The following SORBS2 variants were observed in gnomAD, a reference collection of about 807,000 sequenced individuals.
SORBS2 encodes sorbin and SH3 domain-containing protein 2.
Under a neutral mutation model 97.7 loss-of-function variants are expected in SORBS2, and 46 were observed. The ratio of observed to expected loss-of-function variants is 0.47; its 90% CI spans 0.37 to 0.60. The LOEUF is 0.60. SORBS2 is among the 20% of genes least tolerant of loss of function. The pLI is 0.00. For synonymous variants in SORBS2, 476 were observed against 473.4 expected (o/e 1.01, Z -0.07); for missense variants, 1,316 against 1,282.3 (o/e 1.03, Z -0.40).
At chr4:185,714,345 G>C (rs1318413205) in intron 2 of SORBS2, among the ~76,000 whole-genome samples, 1 of 152,144 alleles carries the variant, frequency 6.6e-6, no homozygotes, top group Non-Finnish European at 1.5e-5. Context: ...CCCTACACTT[G>C]GTCTATACCA....
intron 1 of SORBS2, among the ~76,000 whole-genome samples, chr4:185,955,732 C>T (rs2099279218): frequency 6.6e-6 from 1 of 152,120 alleles, no homozygotes; most frequent in African/African-American, 2.4e-5. Context: ...AACTTGTGTC[C>T]TAAGGTAGAA....
intron 2 of SORBS2, among the ~76,000 whole-genome samples, chr4:185,713,876 G>T (rs1475125534): frequency 6.6e-6 from 1 of 151,992 alleles, no homozygotes; most frequent in Non-Finnish European, 1.5e-5. Flanking sequence ...TTGTCGTTTT[G>T]TGTGAAACTA....
intron 1 of SORBS2, among the ~76,000 whole-genome samples, chr4:185,904,182 AC>A (rs2099249375): frequency 6.6e-6 from 1 of 152,222 alleles, no homozygotes; most frequent in Non-Finnish European, 1.5e-5. Flanking sequence ...TTAACTGTGA[AC>A]ATGGTTTCTG....
chr4:185,864,264 G>T (rs2099225549), intron 1 of SORBS2, among the ~76,000 whole-genome samples: 1 of 152,068 alleles, frequency 6.6e-6, no homozygotes, highest in African/African-American at 2.4e-5. Flanking sequence ...TTGAAGCAAA[G>T]AATATCACAT....
chr4:185,631,532 G>A (rs1001082115), intron 4 of SORBS2, among the ~76,000 whole-genome samples: 4 of 152,154 alleles, frequency 2.6e-5, no homozygotes, highest in African/African-American at 9.7e-5. Context: ...GGAGGCCAAC[G>A]CGGGTGGATC....
intron 1 of SORBS2, chr4:185,933,118 T>A (rs1036522755): frequency 2.6e-5 from 4 of 152,240 alleles, no homozygotes; most frequent in Admixed American, 2.6e-4. Flanking sequence ...CACATCACTG[T>A]GACTCCTAAT....
intron 1 of SORBS2, among the ~76,000 whole-genome samples, chr4:185,951,412 G>C (rs1427640820): frequency 1.3e-5 from 2 of 152,146 alleles, no homozygotes; most frequent in African/African-American, 4.8e-5. Context: ...CACTGCCCGG[G>C]TACTGCTGCC....
intron 1 of SORBS2, among the ~76,000 whole-genome samples, chr4:185,860,381 G>A (rs960254408): frequency 2.6e-5 from 4 of 152,216 alleles, no homozygotes; most frequent in East Asian, 3.9e-4. Context: ...AAGAGAGCAC[G>A]TGACAAAGCA....
chr4:185,668,917 A>G (rs1163741155), intron 4 of SORBS2, among the ~76,000 whole-genome samples: 1 of 152,244 alleles, frequency 6.6e-6, no homozygotes, highest in Admixed American at 6.5e-5. Context: ...GAGGGTAATG[A>G]GAAACACCAG....
At chr4:185,835,577 G>A (rs970513613) in intron 1 of SORBS2, among the ~76,000 whole-genome samples, 6 of 151,420 alleles carry the variant, frequency 4.0e-5, no homozygotes, top group African/African-American at 9.7e-5. Context: ...ATTCATTTGC[G>A]CACTGTTCAA....
chr4:185,609,408 C>G (rs2096494539), intron 12 of SORBS2, among the ~76,000 whole-genome samples: 3 of 152,208 alleles, frequency 2.0e-5, no homozygotes, highest in Admixed American at 2.0e-4. Context: ...CTTGTCATTA[C>G]TGCCACCATC....
At chr4:185,624,295 G>T (rs532554332) in exon 7 of SORBS2, 1 of 1,614,122 alleles carries the variant, frequency 6.2e-7, no homozygotes, top group Non-Finnish European at 8.5e-7. Flanking sequence ...TGGGAGAGAC[G>T]GTTTCTTCCG....
intron 2 of SORBS2, among the ~76,000 whole-genome samples, chr4:185,714,980 A>C (rs909845450): frequency 2.0e-5 from 3 of 152,232 alleles, no homozygotes; most frequent in Non-Finnish European, 4.4e-5. Context: ...GAAATAAGCA[A>C]CTGTGTTTTG....
chr4:185,942,388 T>G (rs2099272475), intron 1 of SORBS2, among the ~76,000 whole-genome samples: 1 of 151,706 alleles, frequency 6.6e-6, no homozygotes, highest in Non-Finnish European at 1.5e-5. Context: ...CCTCACTTTG[T>G]CACTCAGTCT....
At chr4:185,640,412 C>A (rs1442573541) in intron 4 of SORBS2, among the ~76,000 whole-genome samples, 1 of 152,040 alleles carries the variant, frequency 6.6e-6, no homozygotes, top group Non-Finnish European at 1.5e-5. Context: ...TATTATTTTG[C>A]TTTATTGTTG....
At chr4:185,952,807 A>G (rs1231316656) in intron 1 of SORBS2, among the ~76,000 whole-genome samples, 5 of 152,206 alleles carry the variant, frequency 3.3e-5, no homozygotes, top group Admixed American at 2.6e-4. Flanking sequence ...TTTTTCCTCT[A>G]GTTTATTCCC....
chr4:185,809,597 G>C (rs907470501), intron 1 of SORBS2, among the ~76,000 whole-genome samples: 1 of 151,722 alleles, frequency 6.6e-6, no homozygotes, highest in African/African-American at 2.4e-5. Context: ...GCAAAGTCTT[G>C]AAGGATAGAG....
intron 2 of SORBS2, among the ~76,000 whole-genome samples, chr4:185,768,713 A>AAC (rs1560905639): frequency 1.7e-5 from 1 of 59,446 alleles, no homozygotes; most frequent in Admixed American, 1.7e-4. Context: ...AAAAAAAAAC[A>AAC]AAAAAACAAA....
At chr4:185,614,253 G>A (rs1397687356) in intron 11 of SORBS2, among the ~76,000 whole-genome samples, 7 of 136,240 alleles carry the variant, frequency 5.1e-5, no homozygotes, top group Admixed American at 4.9e-4. Flanking sequence ...CACCATGCCC[G>A]GCCTCGAGGC....
Sources: gnomAD v4.1 joint callset for allele counts (sites outside exome capture counted in the v4.1 genomes callset) on GRCh38, gnomAD v4.1.1 for gene constraint, MANE v1.5 for transcripts, NCBI Gene and HGNC (gene_info 2026-07-23, HGNC 2026-07-21) for gene names.